Variants in TFDP2 observed in about 807,000 individuals in gnomAD.
The protein encoded by TFDP2 is transcription factor Dp-2.
A neutral mutation model predicts 59.3 loss-of-function variants in TFDP2; 17 were observed. The observed-to-expected ratio is 0.29, with a 90% confidence interval of 0.20 to 0.43. The LOEUF (loss-of-function observed/expected upper bound fraction) is 0.43, where lower values mean the gene tolerates loss of function less well. Among genes scored for constraint, TFDP2 ranks in the 20% least tolerant of loss-of-function variants. The probability of loss-of-function intolerance (pLI) is 1.00; values close to 1 mark genes in which losing one functional copy is unlikely to be tolerated. For missense variants in TFDP2, 391 were observed against 528.8 expected (o/e 0.74, Z 2.56); for synonymous variants, 180 against 194.7 (o/e 0.92, Z 0.63).
Position 142,121,475 on chromosome 3 carries a change from A to C in TFDP2, c.-92-19634T>G, listed in dbSNP as rs1490356713. 2.0e-5 allele frequency among the ~76,000 whole-genome samples: 3 copies of C among 152,230 alleles called. No individual in the cohort carries two copies. The highest frequency in any genetic ancestry group is 7.2e-5 in the African/African-American group (3 of 41,458). ...AGTTAAATTAGTAATAGAGATAATT[A>C]GTTAAAATTACAGAATTAAGAACTA... On this transcript the variant is annotated intron_variant, in intron 1 of 12. Coordinates refer to ENST00000489671, the MANE Select transcript of TFDP2 (RefSeq NM_001178139.2). This position sits in a 1 kb window ranked among gnomAD's most constrained non-coding sequence, Gnocchi z 4.3.
At chr3:142,103,771 C>T (rs2061386593) in intron 1 of TFDP2, among the ~76,000 whole-genome samples, 1 of 152,060 alleles carries the variant, frequency 6.6e-6, no homozygotes, top group Non-Finnish European at 1.5e-5. Context: ...TAAAGTAAAA[C>T]TTAACTTCGC....
At chr3:142,137,385 C>T (rs2108743253) in intron 1 of TFDP2, among the ~76,000 whole-genome samples, 1 of 152,296 alleles carries the variant, frequency 6.6e-6, no homozygotes, top group Admixed American at 6.5e-5. Flanking sequence ...CTTTCTCTTG[C>T]CTGACTGCCC....
chr3:141,969,204 A>T (rs1232726163), intron 9 of TFDP2, among the ~76,000 whole-genome samples: 4 of 82,846 alleles, frequency 4.8e-5, no homozygotes, highest in Non-Finnish European at 4.5e-5. Flanking sequence ...ATATATATAT[A>T]ACATATATAT....
intron 6 of TFDP2, among the ~76,000 whole-genome samples, chr3:141,988,006 G>A (rs962316131): frequency 6.6e-6 from 1 of 151,132 alleles, no homozygotes; most frequent in Non-Finnish European, 1.5e-5. Context: ...GAGTGCAGGG[G>A]CCTGATCTTG....
At chr3:142,022,318 T>C (rs1286682325) in intron 3 of TFDP2, among the ~76,000 whole-genome samples, 1 of 152,248 alleles carries the variant, frequency 6.6e-6, no homozygotes, top group Non-Finnish European at 1.5e-5. Flanking sequence ...GTAAGACTCT[T>C]TGTTCAAATT....
intron 1 of TFDP2, among the ~76,000 whole-genome samples, chr3:142,130,843 G>C (rs1421237240): frequency 6.6e-6 from 1 of 151,986 alleles, no homozygotes; most frequent in Non-Finnish European, 1.5e-5. Flanking sequence ...CCTGAGGTCA[G>C]GAGTTCAAGA....
At chr3:141,956,002 T>C (rs1936572720) in intron 11 of TFDP2, among the ~76,000 whole-genome samples, 1 of 152,116 alleles carries the variant, frequency 6.6e-6, no homozygotes, top group Non-Finnish European at 1.5e-5. Flanking sequence ...GAGATGGGGT[T>C]TTGCCATGTT....
intron 6 of TFDP2, among the ~76,000 whole-genome samples, chr3:141,990,894 T>C (rs1576604959): frequency 6.6e-6 from 1 of 152,134 alleles, no homozygotes; most frequent in African/African-American, 2.4e-5. Flanking sequence ...CCGTCTCTAC[T>C]GAAAATACAA....
chr3:142,101,374 A>AT (rs1338765404), intron 2 of TFDP2, among the ~76,000 whole-genome samples: 24 of 151,128 alleles, frequency 1.6e-4, no homozygotes, highest in Non-Finnish European at 2.5e-4. Flanking sequence ...AAAAAAAAAA[A>AT]TAAGCCAAAG....
intron 1 of TFDP2, among the ~76,000 whole-genome samples, chr3:142,119,054 G>A (rs1344769544): frequency 6.6e-6 from 1 of 152,110 alleles, no homozygotes; most frequent in East Asian, 1.9e-4. Context: ...CCAGCTACCT[G>A]GGTGGCTGAG....
At chr3:142,007,406 C>T (rs1944304794) in intron 3 of TFDP2, among the ~76,000 whole-genome samples, 1 of 152,136 alleles carries the variant, frequency 6.6e-6, no homozygotes, top group African/African-American at 2.4e-5. Context: ...ACTCCATCTC[C>T]TCCTCATTCA....
chr3:142,053,307 T>A (rs895530849), intron 3 of TFDP2, among the ~76,000 whole-genome samples: 1 of 152,128 alleles, frequency 6.6e-6, no homozygotes, highest in Non-Finnish European at 1.5e-5. Context: ...GTCATCCCTA[T>A]GGTAATGAGT....
chr3:142,098,627 C>T (rs1191796025), intron 2 of TFDP2, among the ~76,000 whole-genome samples: 2 of 152,024 alleles, frequency 1.3e-5, no homozygotes, highest in African/African-American at 4.8e-5. Context: ...AAAAAGGGGC[C>T]AGGTGCAGTG....
rs527424606 is a variant in TFDP2, at chr3:142,123,414, G to A, written c.-92-21573C>T. On this transcript the variant is annotated intron_variant, in intron 1 of 12. Transcript: ENST00000489671. The stretch of plus-strand genomic sequence containing the variant: ...CTCCCAAAGTGCTGGGATTAGAGGC[G>A]TGAGCCATCGCGCCCAGCAATTTTT... Among the ~76,000 whole-genome samples the A allele has an allele frequency of 3.9e-5, 6 of 152,282 alleles. No homozygotes were observed. In the East Asian group the frequency reaches 5.8e-4, roughly 15 times the overall value.
At chr3:142,090,903 A>G (rs1436709807) in intron 3 of TFDP2, 1 of 152,052 alleles carries the variant, frequency 6.6e-6, no homozygotes, top group Non-Finnish European at 1.5e-5. Flanking sequence ...ATGACTTGCT[A>G]TCCTCTCTTT....
At chr3:141,983,257 AG>A (rs769878390) in intron 6 of TFDP2, among the ~76,000 whole-genome samples, 1 of 152,240 alleles carries the variant, frequency 6.6e-6, no homozygotes, top group Non-Finnish European at 1.5e-5. Flanking sequence ...TTGAAAGTTA[AG>A]CAAAAAATGT....
At chr3:142,084,770 A>G (rs1410429069) in intron 3 of TFDP2, among the ~76,000 whole-genome samples, 1 of 152,170 alleles carries the variant, frequency 6.6e-6, no homozygotes, top group African/African-American at 2.4e-5. Flanking sequence ...GCTAAAAACT[A>G]AAACAATTGA....
intron 3 of TFDP2, among the ~76,000 whole-genome samples, chr3:142,056,488 T>C (rs1159624933): frequency 2.0e-5 from 3 of 152,154 alleles, no homozygotes; most frequent in South Asian, 4.1e-4. Flanking sequence ...TCAGATAAAA[T>C]ATAAGATACC....
chr3:142,103,619 T>TA (rs1018760833), intron 1 of TFDP2, among the ~76,000 whole-genome samples: 1 of 152,126 alleles, frequency 6.6e-6, no homozygotes, highest in African/African-American at 2.4e-5. Context: ...GAAAGAATAA[T>TA]AAAGAATATG....
Sources: allele counts gnomAD v4.1 joint callset (sites outside exome capture counted in the v4.1 genomes callset), GRCh38; gene constraint gnomAD v4.1.1; non-coding constraint Gnocchi (gnomAD v3.1); transcripts MANE v1.5; gene names NCBI Gene and HGNC (gene_info 2026-07-23, HGNC 2026-07-21).